Variants in LIG3 observed in about 807,000 individuals in gnomAD.
LIG3 encodes the protein DNA ligase 3.
LIG3 carries 58 observed loss-of-function variants against 110.9 expected under a neutral mutation model. That is an observed-to-expected ratio of 0.52 (90% CI 0.42 to 0.65). The LOEUF (loss-of-function observed/expected upper bound fraction) is 0.65, where lower values mean the gene tolerates loss of function less well. Ranked by LOEUF, LIG3 falls within the 30% of genes least tolerant of loss-of-function variation. The probability of loss-of-function intolerance (pLI) is 0.00; values close to 1 mark genes in which losing one functional copy is unlikely to be tolerated. For synonymous variants in LIG3, 422 were observed against 472.8 expected (o/e 0.89, Z 1.39); for missense variants, 1,094 against 1,273.8 (o/e 0.86, Z 2.15).
At chr17:34,998,907 G>A in intron 14 of LIG3, 180 bp downstream of exon 14, 1 of 660,002 alleles carries the variant, frequency 1.5e-6, no homozygotes, top group East Asian at 2.8e-5. Context: ...CTCGGTTAGG[G>A]AGAAGTCAGA....
intron 18 of LIG3, among the ~76,000 whole-genome samples, 153 bp from the exon 19 acceptor site, chr17:35,002,515 T>A (rs572335291): frequency 6.6e-6 from 1 of 152,194 alleles, no homozygotes; most frequent in Non-Finnish European, 1.5e-5. Context: ...ATATGTTTTT[T>A]AGAGACAGGG....
chr17:34,989,564 C>T lies in LIG3; in HGVS notation c.790C>T (p.Arg264Trp), dbSNP rs141255794. The T allele has an allele frequency of 2.2e-5, 36 of 1,613,954 alleles. No individual in the cohort carries two copies. Among genetic ancestry groups the T allele is most frequent in the African/African-American group, 8.0e-5 (6 of 74,894 alleles). The change falls in exon 4 of 20, where the codon CGG becomes TGG. Residue 264 changes from arginine to tryptophan, a missense_variant. By Grantham distance (101) the Arg-to-Trp change is moderately radical. Coordinates refer to ENST00000378526, the MANE Select transcript of LIG3 (RefSeq NM_013975.4). ...CDPRHKDCLLREFRKLCAMVA... is the reference protein window; with the variant it reads ...CDPRHKDCLLWEFRKLCAMVA... ...CCCCAGGCATAAGGACTGTCTGCTA[C>T]GGGAGTTTCGAAAGTTATGCGCCAT...
At chr17:34,998,064 T>G (rs2142273899) in intron 12 of LIG3, 155 bp from the exon 13 acceptor site, 1 of 668,474 alleles carries the variant, frequency 1.5e-6, no homozygotes, top group South Asian at 2.0e-5. Flanking sequence ...CTGTTTGGGA[T>G]GAGAAGCAAC....
chr17:35,001,449 GGCCTTGGA>G (rs1347943109), intron 17 of LIG3, 46 bp downstream of exon 17: 37 of 1,586,062 alleles, frequency 2.3e-5, no homozygotes, highest in Non-Finnish European at 3.1e-5. Context: ...CCACTGTCCA[GGCCTTGGA>G]GCCTTGGGCA....
chr17:34,999,373 C>T lies in LIG3; in HGVS notation c.2180C>T (p.Thr727Ile). The change falls in exon 15 of 20, where the codon ACC becomes ATC. Residue 727 changes from threonine (T) to isoleucine (I), a missense_variant. Transcript: ENST00000378526. Reference sequence around the variant, plus strand: ...GGCAGCCAGAAGTGGTGCACAGTCACCAAGTGTGCAGGAGGCCATGATGAT... The same window carrying T: ...GGCAGCCAGAAGTGGTGCACAGTCATCAAGTGTGCAGGAGGCCATGATGAT... ...DPGSQKWCTV[T>I]KCAGGHDDAT... The T allele has an allele frequency of 6.2e-7, 1 of 1,614,096 alleles. No individual in the cohort carries two copies. Among genetic ancestry groups the T allele is most frequent in the Non-Finnish European group, 8.5e-7 (1 of 1,179,980 alleles).
chr17:34,986,102 C>T lies in LIG3; in HGVS notation c.662C>T (p.Thr221Ile). 6.2e-7 allele frequency: 1 copy of T among 1,614,110 alleles called. No individual in the cohort carries two copies. The highest frequency in any genetic ancestry group is 1.1e-5 in the South Asian group (1 of 91,078). The change falls in exon 3 of 20, where the codon ACC becomes ATC. Residue 221 changes from threonine to isoleucine, a missense_variant. Physicochemically the swap from Thr to Ile is moderately conservative, Grantham distance 89 (BLOSUM62 -1). Transcript: ENST00000378526. The part of the protein sequence containing the change: ...PVKGASFVTS[T>I]NPRKFSGFSA... Reference sequence around the variant, plus strand: ...AAAGGCGCCTCATTTGTCACCAGTACCAATCCCCGGAAATTTTCTGGCTTT... The same window carrying T: ...AAAGGCGCCTCATTTGTCACCAGTATCAATCCCCGGAAATTTTCTGGCTTT...
intron 18 of LIG3, among the ~76,000 whole-genome samples, chr17:35,002,452 CT>C (rs992687427): frequency 6.6e-5 from 10 of 152,188 alleles, no homozygotes; most frequent in African/African-American, 2.4e-4. Flanking sequence ...ATTACTGCCC[CT>C]GACTTCAGGG....
In LIG3 at chr17:34,996,085, A is replaced by T. The variant is rs2090774325; in HGVS notation, c.1633A>T (p.Ile545Phe). ...TCAGGTGGCCCACTTTAAGGACTAC[A>T]TTCCCCAGGCTTTTCCTGGGGGCCA... ...PHKVAHFKDY[I>F]PQAFPGGHSM... Residue 545 changes from isoleucine to phenylalanine, a missense_variant, in exon 10 of 20, where the codon ATT becomes TTT. Ile to Phe is a conservative substitution (Grantham distance 21). Transcript: ENST00000378526. 3 of 1,613,942 alleles carry T rather than the reference A, an allele frequency of 1.9e-6. No homozygotes were observed. Among genetic ancestry groups the T allele is most frequent in the Non-Finnish European group, 2.5e-6 (3 of 1,179,968 alleles).
chr17:34,988,606 G>A lies in LIG3; in HGVS notation c.692-860G>A, dbSNP rs3135975. On this transcript the variant is annotated intron_variant, in intron 3 of 19. Coordinates refer to ENST00000378526, the MANE Select transcript of LIG3 (RefSeq NM_013975.4). ...TGCACATAATTATTTTTAAGTGTCT[G>A]GAGGAAATCCCTGCCCCTTGACCAC... Among the ~76,000 whole-genome samples the A allele has an allele frequency of 3.5e-3, 538 of 152,258 alleles. 4 individuals carry two copies. Among genetic ancestry groups the A allele is most frequent in the African/African-American group, 0.013 (522 of 41,538 alleles).
At chr17:34,989,722 C>T in intron 4 of LIG3, 59 bp downstream of exon 4, 1 of 1,519,612 alleles carries the variant, frequency 6.6e-7, no homozygotes, top group Non-Finnish European at 9.1e-7. Flanking sequence ...CCATGGCTGC[C>T]TTCCTGGGCA....
chr17:34,990,066 G>C (rs868494450), intron 4 of LIG3, among the ~76,000 whole-genome samples: 1 of 152,112 alleles, frequency 6.6e-6, no homozygotes, highest in Non-Finnish European at 1.5e-5. Context: ...AATTGTCGAT[G>C]AGCATCTCTG....
Position 34,992,623 on chromosome 17 carries a change from G to A in LIG3, c.1386G>A (p.Glu462=), listed in dbSNP as rs772476368. 4 of 1,613,782 alleles carry A rather than the reference G, an allele frequency of 2.5e-6. No homozygotes were observed. The South Asian group carries it at 4.4e-5, about 18-fold the overall frequency. The stretch of plus-strand genomic sequence containing the variant: ...TCCTTCACAACGCGCAGGAGGTGGA[G>A]AAGGAGCCGGGCCAGAGACGAGCTC... ...ERVLHNAQEV[E]KEPGQRRALS... is the part of the protein sequence containing the mutation. The change falls in exon 8 of 20, where the codon GAG becomes GAA. Residue 462 remains glutamate, a synonymous_variant. Transcript: ENST00000378526.
chr17:35,002,877 T>C (rs1027929737), intron 19 of LIG3, 88 bp downstream of exon 19: 3 of 1,580,364 alleles, frequency 1.9e-6, no homozygotes, highest in Non-Finnish European at 2.6e-6. Context: ...TGAAAGAGGA[T>C]GAGCAAAGGT....
rs2090907875 is a variant in LIG3, at chr17:35,007,977, G to C, written c.*3471G>C. 1 of 152,248 alleles carries C rather than the reference G, an allele frequency of 6.6e-6. No individual in the cohort carries two copies. The highest frequency in any genetic ancestry group is 1.9e-4 in the East Asian group (1 of 5,192). The allele number at this position is 152,248 out of a possible 1,614,324, so 9.4% of individuals were successfully genotyped here. A position where few individuals can be genotyped will look rare whatever the true frequency, so the allele number is the denominator to read the frequency against. Reference sequence around the variant, plus strand: ...ACTGGTCTCAAACTCCTGGCCTCGAGTCATCCACGCACCTCAGCCTCCCAA... The same window carrying C: ...ACTGGTCTCAAACTCCTGGCCTCGACTCATCCACGCACCTCAGCCTCCCAA... On this transcript the variant is annotated 3_prime_UTR_variant, in exon 20 of 20. Transcript: ENST00000378526.
intron 12 of LIG3, 45 bp from the exon 13 acceptor site, chr17:34,998,174 C>A: frequency 6.7e-7 from 1 of 1,490,486 alleles, no homozygotes; most frequent in Non-Finnish European, 9.3e-7. Flanking sequence ...CACTCACCAC[C>A]TTCTCCACTC....
chr17:34,998,738 C>T lies in LIG3; in HGVS notation c.2113+11C>T. Reference sequence around the variant, plus strand: ...GGCAAGGGAGCAAAGGTCAGGGTGGCCTCTGCCCCCTGGGGTGGTACTGTT... The same window carrying T: ...GGCAAGGGAGCAAAGGTCAGGGTGGTCTCTGCCCCCTGGGGTGGTACTGTT... On this transcript the variant is annotated intron_variant, in intron 14 of 19. Transcript: ENST00000378526. 1 of 1,612,556 alleles carries T rather than the reference C, an allele frequency of 6.2e-7. No homozygotes were observed. Among genetic ancestry groups the T allele is most frequent in the Non-Finnish European group, 8.5e-7 (1 of 1,179,246 alleles).
chr17:34,983,480 G>C lies in LIG3; in HGVS notation c.475G>C (p.Asp159His). 6.2e-7 allele frequency: 1 copy of C among 1,614,128 alleles called. No homozygotes were observed. Among genetic ancestry groups the C allele is most frequent in the Non-Finnish European group, 8.5e-7 (1 of 1,180,020 alleles). ...RARATTKKIE[D>H]LTELEGWEEL... is the part of the protein sequence containing the mutation. Reference sequence around the variant, plus strand: ...CCGGGCCACCACAAAAAAAATCGAGGACCTCACAGAGCTGGAAGGCTGGGA... The same window carrying C: ...CCGGGCCACCACAAAAAAAATCGAGCACCTCACAGAGCTGGAAGGCTGGGA... Residue 159 changes from aspartate to histidine, a missense_variant, in exon 2 of 20, where the codon GAC becomes CAC. Physicochemically the swap from Asp to His is moderately conservative, Grantham distance 81. Coordinates refer to ENST00000378526, the MANE Select transcript of LIG3 (RefSeq NM_013975.4).
intron 19 of LIG3, 178 bp downstream of exon 19, chr17:35,002,967 C>T (rs1354494462): frequency 6.2e-7 from 1 of 1,613,814 alleles, no homozygotes. Context: ...TGCTGCTGCT[C>T]ACCCTATGTC....
intron 12 of LIG3, 169 bp downstream of exon 12, chr17:34,997,994 G>A: frequency 1.5e-6 from 1 of 660,810 alleles, no homozygotes; most frequent in African/African-American, 1.8e-5. Context: ...CACCCAGAAG[G>A]GTAGGGCATG....
Sources: gnomAD v4.1 joint callset for allele counts (sites outside exome capture counted in the v4.1 genomes callset) on GRCh38, gnomAD v4.1.1 for gene constraint, MANE v1.5 for transcripts, NCBI Gene and HGNC (gene_info 2026-07-23, HGNC 2026-07-21) for gene names.